ABL1: variants seen among roughly 807,000 people sequenced by gnomAD.
ABL1 encodes the protein ABL proto-oncogene 1, non-receptor tyrosine kinase.
In ABL1, 11 loss-of-function variants were observed where a neutral mutation model predicts 94.7. That is an observed-to-expected ratio of 0.12 (90% CI 0.07 to 0.19). The LOEUF (loss-of-function observed/expected upper bound fraction) is 0.19, where lower values mean the gene tolerates loss of function less well. Among genes scored for constraint, ABL1 ranks in the 10% least tolerant of loss-of-function variants. The pLI, the probability that ABL1 is intolerant of heterozygous loss-of-function variation, is 1.00. For missense variants in ABL1, 1,082 were observed against 1,489.4 expected, an observed-to-expected ratio of 0.73 and a Z score of 4.50; for synonymous variants, 656 against 622.4, an observed-to-expected ratio of 1.05 and a Z score of -0.80.
At chr9:130,726,325 A>G (rs1007188633) in intron 1 of ABL1, among the ~76,000 whole-genome samples, 2 of 151,676 alleles carry the variant, frequency 1.3e-5, no homozygotes, top group African/African-American at 4.8e-5. Flanking sequence ...TTCCAGTTTC[A>G]CTCCTGCCTT....
intron 1 of ABL1, among the ~76,000 whole-genome samples, chr9:130,785,100 CTG>C (rs1829808977): frequency 6.6e-6 from 1 of 152,230 alleles, no homozygotes; most frequent in Non-Finnish European, 1.5e-5. Flanking sequence ...GAACTGGACT[CTG>C]TCAACAGTTT....
upstream of ABL1, among the ~76,000 whole-genome samples, chr9:130,833,221 C>G (rs149014439): frequency 8.1e-4 from 124 of 152,284 alleles, no homozygotes; most frequent in African/African-American, 2.8e-3. Flanking sequence ...ATGTGTAATT[C>G]TTGGCATTAA....
intron 1 of ABL1, among the ~76,000 whole-genome samples, chr9:130,846,214 CA>C (rs555259413): frequency 1.2e-3 from 177 of 152,116 alleles, no homozygotes; most frequent in African/African-American, 3.0e-3. Flanking sequence ...TCATCAAGCT[CA>C]AAATGTGGGA....
chr9:130,748,840 G>A (rs1410458126), intron 1 of ABL1, among the ~76,000 whole-genome samples: 2 of 151,852 alleles, frequency 1.3e-5, no homozygotes, highest in African/African-American at 4.8e-5. Context: ...GCTTCCCAAA[G>A]TCTTGGGATT....
chr9:130,808,398 C>T (rs1388755814), intron 1 of ABL1, among the ~76,000 whole-genome samples: 2 of 152,024 alleles, frequency 1.3e-5, no homozygotes, highest in Admixed American at 6.6e-5. Flanking sequence ...CATGCACCAC[C>T]ACGCCTGGCT....
intron 4 of ABL1, among the ~76,000 whole-genome samples, chr9:130,864,967 C>A (rs1831131939): frequency 6.6e-6 from 1 of 152,178 alleles, no homozygotes. Flanking sequence ...TACAACTTGA[C>A]ATTTGAGGAA....
chr9:130,879,979 T>C, intron 8 of ABL1, 89 bp from the exon 9 acceptor site: 2 of 1,247,474 alleles, frequency 1.6e-6, no homozygotes, highest in Non-Finnish European at 2.4e-6. Flanking sequence ...GGAATGTTGC[T>C]TTCATTCTAG....
rs1830242489 is a variant in ABL1 at position 130,813,582 on chromosome 9, A to AG, written c.137-40482_137-40481insG. Among the ~76,000 whole-genome samples the AG allele has an allele frequency of 2.0e-5, 3 of 150,968 alleles. No individual in the cohort carries two copies. The South Asian group carries it at 6.2e-4, about 31-fold the overall frequency. ...TCTCCAAAAAAAAAAAAAAAAAAAA[A>AG]AAAGAAAGTATGATCTCTGGCCACA... On this transcript the variant is annotated intron_variant, in intron 1 of 10. Transcript: ENST00000372348.
chr9:130,859,874 T>A (rs575446972), intron 3 of ABL1, among the ~76,000 whole-genome samples: 1 of 151,954 alleles, frequency 6.6e-6, no homozygotes, highest in South Asian at 2.1e-4. Context: ...AGAGATGGGG[T>A]TTCACCATGT....
rs1380190671 is a variant in ABL1, at chr9:130,814,635, T to C, written c.137-39429T>C. ...GCTTACGCCTGTAATCCCAGCACTT[T>C]GGTAGGCCGAGGTGGGCGGATCACG... On this transcript the variant is annotated intron_variant, in intron 1 of 10. Coordinates refer to the ABL1 transcript ENST00000372348. The surrounding 1 kb of genome is among the most constrained non-coding windows in gnomAD (Gnocchi z 4.4). 6.6e-6 allele frequency among the ~76,000 whole-genome samples: 1 copy of C among 152,202 alleles called. No individual in the cohort carries two copies. The highest frequency in any genetic ancestry group is 1.5e-5 in the Non-Finnish European group (1 of 68,038).
Position 130,814,592 on chromosome 9 carries a change from CATCT to C in ABL1, c.137-39471_137-39468del, listed in dbSNP as rs1223191502. Among the ~76,000 whole-genome samples the C allele has an allele frequency of 2.6e-5, 4 of 152,170 alleles. No homozygotes were observed. Among genetic ancestry groups the C allele is most frequent in the Non-Finnish European group, 5.9e-5 (4 of 68,004 alleles). ...TACCAAAGTTCACTCAAGAAGTAACCATCTGCCGGGCGCAGTGGCTTACGCCTGT... is the reference window on the plus strand; with the variant it reads ...TACCAAAGTTCACTCAAGAAGTAACCGCCGGGCGCAGTGGCTTACGCCTGT... On this transcript the variant is annotated intron_variant, in intron 1 of 10. Coordinates refer to the ABL1 transcript ENST00000372348. The surrounding 1 kb of genome is among the most constrained non-coding windows in gnomAD (Gnocchi z 4.4).
intron 2 of ABL1, among the ~76,000 whole-genome samples, chr9:130,854,439 A>C (rs544568361): frequency 2.0e-5 from 3 of 152,346 alleles, no homozygotes; most frequent in African/African-American, 4.8e-5. Context: ...CAAAAACAGA[A>C]CTTGCCCTAT....
intron 1 of ABL1, among the ~76,000 whole-genome samples, chr9:130,745,492 C>A (rs967928300): frequency 6.6e-6 from 1 of 151,564 alleles, no homozygotes; most frequent in African/African-American, 2.4e-5. Flanking sequence ...AAAAATCAAA[C>A]CAACAATAGC....
intron 1 of ABL1, among the ~76,000 whole-genome samples, chr9:130,778,382 A>T (rs566501766): frequency 6.6e-6 from 1 of 152,126 alleles, no homozygotes; most frequent in African/African-American, 2.4e-5. Context: ...GGACACTGAC[A>T]CACTGCATTA....
At chr9:130,866,083 A>G (rs761832714) in intron 4 of ABL1, among the ~76,000 whole-genome samples, 1 of 152,134 alleles carries the variant, frequency 6.6e-6, no homozygotes, top group Non-Finnish European at 1.5e-5. Context: ...CCAATCTGCA[A>G]AGATCTGAGC....
At chr9:130,800,959 C>T (rs1281758739) in intron 1 of ABL1, among the ~76,000 whole-genome samples, 1 of 144,170 alleles carries the variant, frequency 6.9e-6, no homozygotes, top group Non-Finnish European at 1.5e-5. Context: ...TTGAGACAGT[C>T]TCTCTGTGTC....
intron 4 of ABL1, among the ~76,000 whole-genome samples, chr9:130,869,938 C>T (rs554732812): frequency 1.4e-4 from 22 of 152,332 alleles, no homozygotes; most frequent in Non-Finnish European, 2.1e-4. Context: ...GATTCTCCTG[C>T]CTCAGCCTCC....
chr9:130,848,537 T>A (rs996178564), intron 1 of ABL1, among the ~76,000 whole-genome samples: 1 of 148,966 alleles, frequency 6.7e-6, no homozygotes, highest in East Asian at 2.0e-4. Flanking sequence ...AAAAAAAAAA[T>A]TTCAATTGGC....
chr9:130,839,884 G>A (rs1164548392), intron 1 of ABL1, among the ~76,000 whole-genome samples: 1 of 152,206 alleles, frequency 6.6e-6, no homozygotes, highest in Non-Finnish European at 1.5e-5. Flanking sequence ...GCACAGGCAG[G>A]CAGCTCCCGA....
Sources: allele counts gnomAD v4.1 joint callset (sites outside exome capture counted in the v4.1 genomes callset), GRCh38; gene constraint gnomAD v4.1.1; non-coding constraint Gnocchi (gnomAD v3.1); transcripts MANE v1.5; gene names NCBI Gene and HGNC (gene_info 2026-07-23, HGNC 2026-07-21).